EML2: variants seen among roughly 807,000 people sequenced by gnomAD.
EML2 encodes the protein echinoderm microtubule-associated protein-like 2.
A neutral mutation model predicts 84.7 loss-of-function variants in EML2; 59 were observed. The ratio of observed to expected loss-of-function variants is 0.70; its 90% CI spans 0.56 to 0.86. The LOEUF (loss-of-function observed/expected upper bound fraction) is 0.86, where lower values mean the gene tolerates loss of function less well. Among genes scored for constraint, EML2 ranks in the 40% least tolerant of loss-of-function variants. The pLI is 0.00. For synonymous variants in EML2, 352 were observed against 348.9 expected (o/e 1.01, Z -0.10); for missense variants, 818 against 855.6 (o/e 0.96, Z 0.55).
At chr19:45,624,425 G>A (rs1026982763) in intron 9 of EML2, among the ~76,000 whole-genome samples, 1 of 151,906 alleles carries the variant, frequency 6.6e-6, no homozygotes. Context: ...CTACCCATCC[G>A]TCCTTCCTTC....
chr19:45,616,597 G>A, intron 14 of EML2, 39 bp from the exon 15 acceptor site: 2 of 1,533,322 alleles, frequency 1.3e-6, no homozygotes, highest in Non-Finnish European at 1.8e-6. Flanking sequence ...AGGCACCCAG[G>A]CTCCATCCCC....
At position 45,609,600 on chromosome 19, in the gene EML2, C is replaced by T. The variant is rs1012097660; in HGVS notation, c.*63G>A. The T allele has an allele frequency of 3.1e-5, 48 of 1,526,480 alleles. No homozygotes were observed. The highest frequency in any genetic ancestry group is 8.4e-5 in the South Asian group (7 of 82,978). The allele number at this position is 1,526,480 out of a possible 1,614,324, so 94.6% of individuals were successfully genotyped here. On this transcript the variant is annotated 3_prime_UTR_variant, in exon 19 of 19. Transcript: ENST00000245925. ...TACTCTGGGTATATATTACTCTACT[C>T]GGCAATAGACATCTCCCGAAAATAG...
intron 15 of EML2, 52 bp downstream of exon 15, chr19:45,616,409 T>C: frequency 7.1e-7 from 1 of 1,412,450 alleles, no homozygotes; most frequent in Non-Finnish European, 9.8e-7. Context: ...TGGTTAATTT[T>C]GCACCCCCTG....
At position 45,613,459 on chromosome 19, in the gene EML2, G is replaced by A. The variant is rs939676114; in HGVS notation, c.1824+82C>T. 6 of 1,520,264 alleles carry A rather than the reference G, an allele frequency of 3.9e-6. No individual in the cohort carries two copies. The South Asian group carries it at 6.1e-5, about 15-fold the overall frequency. The allele number at this position is 1,520,264 out of a possible 1,614,324, so 94.2% of individuals were successfully genotyped here. A position where few individuals can be genotyped will look rare whatever the true frequency, so the allele number is the denominator to read the frequency against. ...GGAAACCGAGGCTCAGAGAAGGGGT[G>A]GGGTTGGACCAGAGCTGCCTGAATT... On this transcript the variant is annotated intron_variant, in intron 18 of 18. Coordinates refer to ENST00000245925, the MANE Select transcript of EML2 (RefSeq NM_012155.4).
chr19:45,630,145 A>C (rs902127564), intron 6 of EML2, 99 bp from the exon 7 acceptor site: 14 of 856,324 alleles, frequency 1.6e-5, no homozygotes, highest in Non-Finnish European at 3.8e-6. Context: ...GCCTGTTTTA[A>C]AACCTTCAGG....
chr19:45,644,500 C>A (rs1344440449), upstream of EML2, among the ~76,000 whole-genome samples: 1 of 152,140 alleles, frequency 6.6e-6, no homozygotes, highest in Non-Finnish European at 1.5e-5. Flanking sequence ...TTCATCTTGA[C>A]CCTTCTGCCC....
At chr19:45,625,526 G>A (rs946242059) in intron 8 of EML2, among the ~76,000 whole-genome samples, 1 of 151,914 alleles carries the variant, frequency 6.6e-6, no homozygotes, top group Non-Finnish European at 1.5e-5. Flanking sequence ...ACAGGCGTGA[G>A]CCACCGCACC....
upstream of EML2, chr19:45,643,564 G>T: frequency 1.3e-6 from 2 of 1,535,234 alleles, no homozygotes; most frequent in Non-Finnish European, 1.7e-6. Flanking sequence ...CCCTTTTCCC[G>T]CAGAATACTC....
intron 1 of EML2, 114 bp from the exon 2 acceptor site, chr19:45,638,987 G>T: frequency 7.9e-7 from 1 of 1,268,076 alleles, no homozygotes; most frequent in Non-Finnish European, 1.2e-6. Flanking sequence ...AAACGGGGCC[G>T]AGTAAGGGGC....
upstream of EML2, chr19:45,645,354 C>T (rs1412798846): frequency 1.3e-6 from 2 of 1,529,434 alleles, no homozygotes; most frequent in Non-Finnish European, 1.7e-6. Context: ...CCACCACAGC[C>T]ACCGCCGGCC....
intron 11 of EML2, 173 bp from the exon 12 acceptor site, chr19:45,619,364 C>G (rs1462130652): frequency 1.3e-6 from 1 of 750,342 alleles, no homozygotes; most frequent in East Asian, 3.0e-5. Context: ...CATCTGAACC[C>G]ATGCCCTGGT....
Position 45,616,913 on chromosome 19 carries a change from G to A in EML2, c.1323-60C>T, listed in dbSNP as rs1010809282. On this transcript the variant is annotated intron_variant, in intron 13 of 18. Transcript: ENST00000245925. Reference sequence around the variant, plus strand: ...TGAGCTGATCTGACAGAGAGAGGCCGCAATCTGTGGGGTCTAAGGGAGGGA... The same window carrying A: ...TGAGCTGATCTGACAGAGAGAGGCCACAATCTGTGGGGTCTAAGGGAGGGA... 3.9e-5 allele frequency: 50 copies of A among 1,267,496 alleles called. No individual in the cohort carries two copies. The East Asian group carries it at 1.2e-3, about 29-fold the overall frequency. The allele number at this position is 1,267,496 out of a possible 1,614,324, so 78.5% of individuals were successfully genotyped here. A position where few individuals can be genotyped will look rare whatever the true frequency, so the allele number is the denominator to read the frequency against.
upstream of EML2, chr19:45,643,577 A>T (rs1351635930): frequency 6.5e-7 from 1 of 1,535,910 alleles, no homozygotes; most frequent in African/African-American, 1.4e-5. Flanking sequence ...GAATACTCAT[A>T]CCCAGACTCA....
upstream of EML2, chr19:45,643,489 T>A (rs1974778194): frequency 6.9e-7 from 1 of 1,449,454 alleles, no homozygotes. Flanking sequence ...ACTCCCCGAG[T>A]CGCCCCCCCA....
At chr19:45,644,730 G>C, upstream of EML2, 1 of 456,028 alleles carries the variant, frequency 2.2e-6, no homozygotes, top group Non-Finnish European at 4.4e-6. Flanking sequence ...ACCCACAGTG[G>C]TCCTTCTGGT....
chr19:45,630,875 G>A (rs1309180184), intron 6 of EML2, among the ~76,000 whole-genome samples: 2 of 152,036 alleles, frequency 1.3e-5, no homozygotes, highest in Non-Finnish European at 2.9e-5. Context: ...TATTTTTTGA[G>A]ACTGAGTCTC....
upstream of EML2, among the ~76,000 whole-genome samples, chr19:45,639,781 G>A (rs371013149): frequency 1.3e-5 from 2 of 152,110 alleles, no homozygotes; most frequent in South Asian, 4.1e-4. Context: ...ATCACCTGAG[G>A]TCAGGAGTTC....
chr19:45,610,872 C>T (rs150126317), intron 18 of EML2, among the ~76,000 whole-genome samples: 163 of 152,220 alleles, frequency 1.1e-3, no homozygotes, highest in African/African-American at 3.5e-3. Flanking sequence ...CCCAGCAGGG[C>T]AACTGAATTG....
In EML2 at chr19:45,638,595, A is replaced by G. The variant is rs200737643; in HGVS notation, c.89T>C (p.Val30Ala). 3.8e-5 allele frequency: 62 copies of G among 1,614,128 alleles called. No individual in the cohort carries two copies. The East Asian group carries it at 1.4e-3, about 36-fold the overall frequency. Residue 30 changes from valine to alanine, a missense_variant, in exon 3 of 19, where the codon GTG (valine) becomes GCG (alanine). By Grantham distance (64) the Val-to-Ala change is moderately conservative (BLOSUM62 0). Transcript: ENST00000245925. ...CAGCTCGTCTGGGATCATCATGGGC[A>G]CAGGGCGGCCCCTCAGGAACATTTT... Reference protein sequence around the residue: ...SVKMFLRGRPVPMMIPDELAP... With the variant: ...SVKMFLRGRPAPMMIPDELAP...
Sources: gnomAD v4.1 joint callset for allele counts (sites outside exome capture counted in the v4.1 genomes callset) on GRCh38, gnomAD v4.1.1 for gene constraint, MANE v1.5 for transcripts, NCBI Gene and HGNC (gene_info 2026-07-23, HGNC 2026-07-21) for gene names.